Variants in LARGE1 observed in about 807,000 individuals in gnomAD.
LARGE1 encodes the protein xylosyl- and glucuronyltransferase LARGE1.
A neutral mutation model predicts 87.6 loss-of-function variants in LARGE1; 43 were observed. The ratio of observed to expected loss-of-function variants is 0.49; its 90% CI spans 0.38 to 0.63. The LOEUF is 0.63. LARGE1 is among the 30% of genes least tolerant of loss of function. LARGE1 has a pLI of 0.00. For synonymous variants in LARGE1, 434 were observed against 394.6 expected (o/e 1.10, Z -1.18); for missense variants, 802 against 1,000.2 (o/e 0.80, Z 2.67).
intron 7 of LARGE1, among the ~76,000 whole-genome samples, chr22:33,397,763 G>A (rs1011283982): frequency 6.6e-6 from 1 of 152,206 alleles, no homozygotes; most frequent in Admixed American, 6.5e-5. Context: ...AAGTGGTTCT[G>A]AAGTATTCCA....
At chr22:33,407,109 T>C (rs2066129556) in intron 7 of LARGE1, among the ~76,000 whole-genome samples, 2 of 152,158 alleles carry the variant, frequency 1.3e-5, no homozygotes, top group South Asian at 2.1e-4. Flanking sequence ...GCATATAATA[T>C]ATACTGAACT....
At chr22:33,305,358 TAA>T (rs60727771) in intron 11 of LARGE1, among the ~76,000 whole-genome samples, 16 of 98,562 alleles carry the variant, frequency 1.6e-4, no homozygotes, top group Non-Finnish European at 2.0e-4. Flanking sequence ...GGGAAAAAAT[TAA>T]AAAAAAAAAA....
chr22:33,097,791 G>A, the LARGE1 span, among the ~76,000 whole-genome samples: 1 of 152,126 alleles, frequency 6.6e-6, no homozygotes, highest in African/African-American at 2.4e-5. Flanking sequence ...CTAAAATAAC[G>A]GGTATAATAT....
intron 6 of LARGE1, among the ~76,000 whole-genome samples, chr22:33,485,403 C>T (rs968196406): frequency 1.6e-4 from 25 of 151,650 alleles, no homozygotes; most frequent in African/African-American, 5.6e-4. Flanking sequence ...TAGTAGAGAC[C>T]GGGTTTCACC....
intron 1 of LARGE1, among the ~76,000 whole-genome samples, chr22:33,771,509 C>A (rs925732665): frequency 6.6e-6 from 1 of 152,176 alleles, no homozygotes; most frequent in African/African-American, 2.4e-5. Flanking sequence ...TTATTTCATA[C>A]ATTTTTTTTC....
chr22:33,365,503 A>AG (rs764347287), intron 9 of LARGE1, among the ~76,000 whole-genome samples: 67 of 152,216 alleles, frequency 4.4e-4, no homozygotes, highest in Non-Finnish European at 8.5e-4. Flanking sequence ...ACCAAGTGAA[A>AG]GGACTGTTTA....
intron 1 of LARGE1, among the ~76,000 whole-genome samples, chr22:33,862,404 C>A (rs571850145): frequency 1.3e-5 from 2 of 152,202 alleles, no homozygotes; most frequent in African/African-American, 4.8e-5. Flanking sequence ...TTGAACAATA[C>A]AGGCGATCTT....
At chr22:33,504,421 G>A (rs2070665801) in intron 6 of LARGE1, among the ~76,000 whole-genome samples, 1 of 152,082 alleles carries the variant, frequency 6.6e-6, no homozygotes, top group Admixed American at 6.6e-5. Context: ...CGCCATCCCC[G>A]GCTAATTTTT....
chr22:33,509,821 C>T lies in LARGE1; in HGVS notation c.787+55027G>A, dbSNP rs78169145. 5.0e-3 allele frequency among the ~76,000 whole-genome samples: 762 copies of T among 152,296 alleles called. 3 individuals carry two copies. Among genetic ancestry groups the T allele is most frequent in the African/African-American group, 0.017 (711 of 41,564 alleles). ...CAAACCTAACTGGGCAATTTAAAAT[C>T]TCTCTCGTCTGCTTTCATTTAGACA... On this transcript the variant is annotated intron_variant, in intron 6 of 14. Transcript: ENST00000397394.
At chr22:33,772,656 T>A (rs1015913367) in intron 1 of LARGE1, among the ~76,000 whole-genome samples, 3 of 152,090 alleles carry the variant, frequency 2.0e-5, no homozygotes. Context: ...CCCAACTTTG[T>A]CTATCACCGT....
chr22:33,148,964 T>C, the LARGE1 span, among the ~76,000 whole-genome samples: 2 of 152,090 alleles, frequency 1.3e-5, no homozygotes, highest in Non-Finnish European at 2.9e-5. Context: ...ATATTTACAA[T>C]GTAAGTGCTT....
At chr22:33,128,002 C>T in the LARGE1 span, among the ~76,000 whole-genome samples, 16 of 152,100 alleles carry the variant, frequency 1.1e-4, no homozygotes, top group Non-Finnish European at 2.2e-4. Flanking sequence ...TCTAGGATTC[C>T]CCTCATACAT....
chr22:33,470,851 G>C (rs976265194), intron 6 of LARGE1, among the ~76,000 whole-genome samples: 15 of 152,262 alleles, frequency 9.9e-5, no homozygotes, highest in African/African-American at 3.6e-4. Flanking sequence ...ATGAATCTGA[G>C]AGAGCTATTT....
intron 1 of LARGE1, among the ~76,000 whole-genome samples, chr22:33,907,476 T>C (rs1373279376): frequency 1.3e-5 from 2 of 152,166 alleles, no homozygotes; most frequent in African/African-American, 4.8e-5. Context: ...GGGAATACTA[T>C]TAAACATAAA....
At chr22:33,790,960 G>C (rs2085803457) in intron 1 of LARGE1, among the ~76,000 whole-genome samples, 1 of 152,036 alleles carries the variant, frequency 6.6e-6, no homozygotes, top group Non-Finnish European at 1.5e-5. Flanking sequence ...ATCCTTTCAA[G>C]GTGAACACCA....
intron 1 of LARGE1, among the ~76,000 whole-genome samples, chr22:33,898,854 C>A (rs765202478): frequency 2.0e-5 from 3 of 152,234 alleles, no homozygotes; most frequent in Non-Finnish European, 4.4e-5. Context: ...TCTCCTATCC[C>A]TGCAGAAATG....
chr22:33,190,146 AT>A (rs397948176), intron 11 of LARGE1, among the ~76,000 whole-genome samples: 112 of 147,032 alleles, frequency 7.6e-4, no homozygotes, highest in East Asian at 2.8e-3. Context: ...TAAACAAAAC[AT>A]TTTTTTTTTT....
At chr22:33,503,707 GA>G (rs2070620336) in intron 6 of LARGE1, among the ~76,000 whole-genome samples, 1 of 151,090 alleles carries the variant, frequency 6.6e-6, no homozygotes, top group Admixed American at 6.6e-5. Context: ...GCTGAGGCAG[GA>G]AAATTGCTTG....
chr22:33,453,011 C>T (rs1246715444), intron 6 of LARGE1, among the ~76,000 whole-genome samples: 1 of 152,178 alleles, frequency 6.6e-6, no homozygotes, highest in East Asian at 1.9e-4. Context: ...TTAAGCCATA[C>T]CACCCTGGCC....
Sources: allele counts gnomAD v4.1 joint callset (sites outside exome capture counted in the v4.1 genomes callset), GRCh38; gene constraint gnomAD v4.1.1; transcripts MANE v1.5; gene names NCBI Gene and HGNC (gene_info 2026-07-23, HGNC 2026-07-21).